NFX1: variants seen among roughly 807,000 people sequenced by gnomAD.
NFX1 encodes transcriptional repressor NF-X1.
Under a neutral mutation model 137.2 loss-of-function variants are expected in NFX1, and 69 were observed. The observed-to-expected ratio is 0.50, with a 90% CI of 0.41 to 0.61. The LOEUF is 0.61. NFX1 is among the 20% of genes least tolerant of loss of function. The probability of loss-of-function intolerance (pLI) is 0.00; values close to 1 mark genes in which losing one functional copy is unlikely to be tolerated. For synonymous variants in NFX1, 495 were observed against 474.1 expected, an observed-to-expected ratio of 1.04 and a Z score of -0.57; for missense variants, 1,167 against 1,391.0, an observed-to-expected ratio of 0.84 and a Z score of 2.56.
intron 4 of NFX1, among the ~76,000 whole-genome samples, chr9:33,304,474 C>T (rs895321888): frequency 6.6e-6 from 1 of 152,188 alleles, no homozygotes; most frequent in South Asian, 2.1e-4. Flanking sequence ...TTTCTCCTTT[C>T]CCATTACTTA....
In NFX1 at chr9:33,303,255, C is replaced by G; in HGVS notation, c.1257C>G (p.Tyr419Ter). ...TTTCTGCACATGTTCCTAATACCTA[C>G]ACTTGTTTCTGTGGTAAGTTTGTTT... ...QNVSAHVPNT[Y>*]TCFCGKVKNP... Residue 419 changes from tyrosine (Y) to a stop codon, truncating the protein, a stop_gained, in exon 4 of 24, where the codon TAC (tyrosine) becomes TAG (stop). Coordinates refer to ENST00000379540, the MANE Select transcript of NFX1 (RefSeq NM_002504.6). LOFTEE classifies it high-confidence loss of function. 1 of 1,613,972 alleles carries G rather than the reference C, an allele frequency of 6.2e-7. No individual in the cohort carries two copies. The highest frequency in any genetic ancestry group is 8.5e-7 in the Non-Finnish European group (1 of 1,179,864).
chr9:33,295,931 A>G (rs759988089), intron 2 of NFX1, among the ~76,000 whole-genome samples: 1 of 151,976 alleles, frequency 6.6e-6, no homozygotes, highest in Non-Finnish European at 1.5e-5. Context: ...TAAAACACAT[A>G]TTTTATTTAT....
At chr9:33,348,612 T>C (rs1823522470) in intron 15 of NFX1, 2 of 231,054 alleles carry the variant, frequency 8.7e-6, no homozygotes, top group South Asian at 3.2e-4. Context: ...GAAATGAGCA[T>C]GTGCTGTTGG....
At chr9:33,335,084 CTT>C (rs567861463) in intron 11 of NFX1, among the ~76,000 whole-genome samples, 1 of 151,054 alleles carries the variant, frequency 6.6e-6, no homozygotes, top group African/African-American at 2.4e-5. Flanking sequence ...GGTTAGCCCA[CTT>C]TTTTTTTAGT....
At chr9:33,306,094 G>T (rs1821744167) in intron 4 of NFX1, among the ~76,000 whole-genome samples, 1 of 152,186 alleles carries the variant, frequency 6.6e-6, no homozygotes, top group African/African-American at 2.4e-5. Flanking sequence ...AAGCACAGAG[G>T]CAGGGAGGCT....
At chr9:33,313,947 A>G (rs1183464470) in intron 7 of NFX1, among the ~76,000 whole-genome samples, 154 bp downstream of exon 7, 2 of 152,048 alleles carry the variant, frequency 1.3e-5, no homozygotes, top group Non-Finnish European at 2.9e-5. Context: ...GGTTTTTATT[A>G]TTTTACCTGC....
At chr9:33,357,308 T>C (rs1823844719) in intron 19 of NFX1, among the ~76,000 whole-genome samples, 1 of 151,682 alleles carries the variant, frequency 6.6e-6, no homozygotes, top group African/African-American at 2.4e-5. Flanking sequence ...CATCAAAAAA[T>C]AATAATAAAT....
At chr9:33,348,627 G>A in intron 15 of NFX1, 3 of 356,214 alleles carry the variant, frequency 8.4e-6, no homozygotes, top group Non-Finnish European at 1.2e-5. Flanking sequence ...TGTTGGAAAA[G>A]TGGAACAGAT....
At chr9:33,309,212 C>T (rs1477124974) in intron 5 of NFX1, among the ~76,000 whole-genome samples, 1 of 151,962 alleles carries the variant, frequency 6.6e-6, no homozygotes, top group East Asian at 1.9e-4. Context: ...AAAAAATTAG[C>T]CGGGTGTGGT....
At position 33,369,358 on chromosome 9, in the gene NFX1, T is replaced by C. The variant is rs555891649; in HGVS notation, c.3291-548T>C. Among the ~76,000 whole-genome samples, 545 of 152,302 alleles carry C rather than the reference T, an allele frequency of 3.6e-3. 4 individuals carry two copies. The highest frequency in any genetic ancestry group is 5.0e-3 in the Non-Finnish European group (338 of 68,022). On this transcript the variant is annotated intron_variant, in intron 23 of 23. Coordinates refer to ENST00000379540, the MANE Select transcript of NFX1 (RefSeq NM_002504.6). The stretch of plus-strand genomic sequence containing the variant: ...GATTACAGGCGTGAGCCACCACACC[T>C]GGCCATCCCATGCTATCTTTTTAAA...
At chr9:33,346,315 C>G (rs1823418821) in intron 14 of NFX1, among the ~76,000 whole-genome samples, 1 of 152,164 alleles carries the variant, frequency 6.6e-6, no homozygotes, top group Non-Finnish European at 1.5e-5. Context: ...CTATTTTGTT[C>G]CCCATTCATT....
At chr9:33,300,907 A>C (rs906020286) in intron 2 of NFX1, among the ~76,000 whole-genome samples, 1 of 152,214 alleles carries the variant, frequency 6.6e-6, no homozygotes, top group African/African-American at 2.4e-5. Context: ...GATCTGATAG[A>C]TTTAGAGGAT....
At position 33,332,548 on chromosome 9, in the gene NFX1, C is replaced by G; in HGVS notation, c.2035+46C>G. On this transcript the variant is annotated intron_variant, in intron 11 of 23. Transcript: ENST00000379540. ...GAGGGAATTTCTGGGGTGAAAGTGT[C>G]GTCACTCTGAATCTTGTTAGGGAGT... 2.2e-6 allele frequency: 3 copies of G among 1,384,532 alleles called. No homozygotes were observed. The East Asian group carries it at 7.4e-5, about 34-fold the overall frequency. The allele number at this position is 1,384,532 out of a possible 1,614,324, so 85.8% of individuals were successfully genotyped here. A position where few individuals can be genotyped will look rare whatever the true frequency, so the allele number is the denominator to read the frequency against.
rs758448189 is a variant in NFX1, at chr9:33,367,582, C to G, written c.3253C>G (p.Pro1085Ala). ...VLEREMQARP[P>A]PPIPHHRHQS... is the part of the protein sequence containing the mutation. ...TGAAAGGGAAATGCAGGCACGGCCT[C>G]CACCACCGATTCCTCATCACAGACA... Residue 1085 changes from proline (P) to alanine (A), a missense_variant, in exon 23 of 24, where the codon CCA becomes GCA. Around this residue, in one of 3 missense-constraint regions of NFX1, gnomAD observed 312 missense variants for 312.8 expected, o/e 1.00. Transcript: ENST00000379540. 2 of 1,613,790 alleles carry G rather than the reference C, an allele frequency of 1.2e-6. No individual in the cohort carries two copies. Among genetic ancestry groups the G allele is most frequent in the Non-Finnish European group, 1.7e-6 (2 of 1,179,856 alleles).
At chr9:33,333,754 G>A (rs186668495) in intron 11 of NFX1, among the ~76,000 whole-genome samples, 7 of 152,292 alleles carry the variant, frequency 4.6e-5, no homozygotes, top group African/African-American at 9.6e-5. Context: ...AAGAGTGGCC[G>A]TTTGGGAGGT....
Position 33,351,564 on chromosome 9 carries a change from G to A in NFX1, c.2429G>A (p.Arg810Gln), listed in dbSNP as rs1290162221. The A allele has an allele frequency of 8.7e-6, 14 of 1,613,988 alleles. No individual in the cohort carries two copies. Among genetic ancestry groups the A allele is most frequent in the African/African-American group, 4.0e-5 (3 of 74,914 alleles). ...QKWCMGKHEF[R>Q]SNIPCHLVDI... is the part of the protein sequence containing the mutation. ...GGCTACTTCTGTCTCTCCTAGTTTC[G>A]GAGCAACATCCCCTGTCACCTGGTT... Residue 810 changes from arginine to glutamine, a missense_variant, in exon 16 of 24, where the codon CGG (arginine) becomes CAG (glutamine). Arg to Gln is a conservative substitution (Grantham distance 43). Around this residue, in one of 3 missense-constraint regions of NFX1, gnomAD observed 488 missense variants for 691.5 expected, o/e 0.71. Coordinates refer to ENST00000379540, the MANE Select transcript of NFX1 (RefSeq NM_002504.6).
At chr9:33,300,065 ATTTTTTTTTTTTT>A (rs34826491) in intron 2 of NFX1, among the ~76,000 whole-genome samples, 11 of 100,276 alleles carry the variant, frequency 1.1e-4, no homozygotes, top group African/African-American at 4.1e-4. Context: ...ATGTTATAGC[ATTTTTTTTTTTTT>A]TTTTTTTTTT....
intron 18 of NFX1, 151 bp downstream of exon 18, chr9:33,354,338 C>A: frequency 1.5e-6 from 1 of 680,904 alleles, no homozygotes; most frequent in Non-Finnish European, 2.4e-6. Context: ...ACATCTGCTC[C>A]ATCCCCAATG....
chr9:33,343,955 A>G (rs1823316895), intron 13 of NFX1, 114 bp from the exon 14 acceptor site: 1 of 1,423,666 alleles, frequency 7.0e-7, no homozygotes, highest in African/African-American at 1.4e-5. Flanking sequence ...TAGCACCCCC[A>G]TAAATTCTCC....
Sources: gnomAD v4.1 joint callset for allele counts (sites outside exome capture counted in the v4.1 genomes callset) on GRCh38, gnomAD v4.1.1 for gene constraint, gnomAD v4.1.1 regional missense constraint, MANE v1.5 for transcripts, NCBI Gene and HGNC (gene_info 2026-07-23, HGNC 2026-07-21) for gene names.